Variants in GPC5 observed in about 807,000 individuals in gnomAD.
The protein encoded by GPC5 is glypican 5.
Under a neutral mutation model 53.9 loss-of-function variants are expected in GPC5, and 47 were observed. The ratio of observed to expected loss-of-function variants is 0.87; its 90% CI spans 0.69 to 1.11. GPC5 has a LOEUF of 1.11. Among genes scored for constraint, GPC5 ranks in the 50% most tolerant of loss-of-function variants. GPC5 has a pLI of 0.00. For synonymous variants in GPC5, 286 were observed against 263.3 expected, an observed-to-expected ratio of 1.09 and a Z score of -0.84; for missense variants, 748 against 713.1, an observed-to-expected ratio of 1.05 and a Z score of -0.56.
intron 7 of GPC5, among the ~76,000 whole-genome samples, chr13:92,363,296 TA>T (rs2043582926): frequency 6.6e-6 from 1 of 151,558 alleles, no homozygotes; most frequent in Admixed American, 6.6e-5. Context: ...GTCAGAAGGT[TA>T]TCATCTTAAG....
intron 5 of GPC5, among the ~76,000 whole-genome samples, chr13:91,803,486 T>G (rs556831843): frequency 6.6e-6 from 1 of 152,164 alleles, no homozygotes; most frequent in East Asian, 1.9e-4. Context: ...TGTGTATGTA[T>G]TGGTTTATGA....
intron 7 of GPC5, among the ~76,000 whole-genome samples, chr13:92,351,903 T>C (rs79434305): frequency 6.6e-6 from 1 of 152,324 alleles, no homozygotes; most frequent in East Asian, 1.9e-4. Context: ...TCTTTCTAAA[T>C]TGATCAGTGT....
rs376360098 is a variant in GPC5 at position 92,003,478 on chromosome 13, G to A, written c.1401+95421G>A. On this transcript the variant is annotated intron_variant, in intron 6 of 7. Transcript: ENST00000377067. ...TTTTTTTTTCAGTGAAAGGATGTTT[G>A]TTTTCTTCAATTGAAAATATTAGAG... 4.6e-4 allele frequency among the ~76,000 whole-genome samples: 69 copies of A among 151,558 alleles called. 1 individual carries two copies. The East Asian group carries it at 0.013, about 28-fold the overall frequency.
chr13:92,535,380 C>T (rs1482436502), intron 7 of GPC5, among the ~76,000 whole-genome samples: 1 of 152,102 alleles, frequency 6.6e-6, no homozygotes, highest in Non-Finnish European at 1.5e-5. Flanking sequence ...AGGGAAGAGG[C>T]TTTCATCAGG....
intron 7 of GPC5, among the ~76,000 whole-genome samples, chr13:92,396,883 T>C (rs972420794): frequency 2.6e-5 from 4 of 152,176 alleles, no homozygotes; most frequent in African/African-American, 9.7e-5. Context: ...GGGAGCAATG[T>C]CTTTCTCCAG....
intron 2 of GPC5, among the ~76,000 whole-genome samples, chr13:91,499,199 G>C (rs1884483547): frequency 6.6e-6 from 1 of 152,110 alleles, no homozygotes; most frequent in Non-Finnish European, 1.5e-5. Flanking sequence ...ACAGGATGCT[G>C]TTATTATCTC....
chr13:91,537,288 T>C (rs1886637106), intron 2 of GPC5, among the ~76,000 whole-genome samples: 1 of 152,206 alleles, frequency 6.6e-6, no homozygotes, highest in South Asian at 2.1e-4. Flanking sequence ...ATAAAACTTT[T>C]AGATAGACTG....
chr13:92,758,885 C>T (rs1341756756), intron 7 of GPC5, among the ~76,000 whole-genome samples: 2 of 151,204 alleles, frequency 1.3e-5, no homozygotes, highest in Non-Finnish European at 2.9e-5. Flanking sequence ...GTCTTTTATC[C>T]ATTTTGAGTT....
chr13:92,548,589 A>G (rs940042817), intron 7 of GPC5, among the ~76,000 whole-genome samples: 1 of 152,100 alleles, frequency 6.6e-6, no homozygotes, highest in East Asian at 1.9e-4. Flanking sequence ...TAGAAATAGT[A>G]TGAGTAAAAT....
chr13:91,767,611 G>A (rs1300868347), intron 5 of GPC5, among the ~76,000 whole-genome samples: 1 of 152,128 alleles, frequency 6.6e-6, no homozygotes, highest in South Asian at 2.1e-4. Context: ...AAAGGAAATA[G>A]GTATTTTAAA....
At chr13:91,818,417 A>G (rs2038433564) in intron 5 of GPC5, among the ~76,000 whole-genome samples, 1 of 152,242 alleles carries the variant, frequency 6.6e-6, no homozygotes. Flanking sequence ...TATAACTGAC[A>G]TTATTAAAAA....
chr13:92,053,727 G>A (rs2041049893), intron 6 of GPC5, among the ~76,000 whole-genome samples: 1 of 151,630 alleles, frequency 6.6e-6, no homozygotes, highest in East Asian at 1.9e-4. Flanking sequence ...ATTGCCTTAT[G>A]GAATTAAAAA....
chr13:91,653,465 A>G (rs1040063457), intron 2 of GPC5, among the ~76,000 whole-genome samples: 1 of 152,194 alleles, frequency 6.6e-6, no homozygotes, highest in Admixed American at 6.5e-5. Flanking sequence ...ATATGATAGC[A>G]AAACAGGGTG....
At chr13:91,948,227 CAAAAA>C (rs59185061) in intron 6 of GPC5, among the ~76,000 whole-genome samples, 43 of 132,568 alleles carry the variant, frequency 3.2e-4, no homozygotes, top group African/African-American at 1.0e-3. Flanking sequence ...GACTCTGTCT[CAAAAA>C]AAAAAAAAAA....
chr13:91,640,301 C>T (rs1400360237), intron 2 of GPC5, among the ~76,000 whole-genome samples: 1 of 151,954 alleles, frequency 6.6e-6, no homozygotes. Context: ...AGAAAAATTA[C>T]CCATTAAAAA....
chr13:91,859,178 C>T (rs188870944), intron 5 of GPC5, among the ~76,000 whole-genome samples: 1 of 151,424 alleles, frequency 6.6e-6, no homozygotes, highest in Admixed American at 6.6e-5. Context: ...TTCCTTTCTT[C>T]TATACTTATT....
chr13:92,741,395 A>G (rs1889089504), intron 7 of GPC5, among the ~76,000 whole-genome samples: 1 of 151,900 alleles, frequency 6.6e-6, no homozygotes, highest in South Asian at 2.1e-4. Flanking sequence ...GACTCTGCAG[A>G]GAGTCCCCAT....
At position 92,673,062 on chromosome 13, in the gene GPC5, A is replaced by T. The variant is rs147290656; in HGVS notation, c.1562-193220A>T. 5.3e-5 allele frequency among the ~76,000 whole-genome samples: 8 copies of T among 152,148 alleles called. No homozygotes were observed. The East Asian group carries it at 1.2e-3, about 22-fold the overall frequency. Reference sequence around the variant, plus strand: ...AAAAGTTTAAAAAGAAAGCAAAAAAACTCAACTTTAAAGTAGCTCAATAAG... The same window carrying T: ...AAAAGTTTAAAAAGAAAGCAAAAAATCTCAACTTTAAAGTAGCTCAATAAG... On this transcript the variant is annotated intron_variant, in intron 7 of 7. Coordinates refer to ENST00000377067, the MANE Select transcript of GPC5 (RefSeq NM_004466.6).
intron 1 of GPC5, among the ~76,000 whole-genome samples, chr13:91,407,313 A>G (rs1877397048): frequency 6.6e-6 from 1 of 152,200 alleles, no homozygotes; most frequent in African/African-American, 2.4e-5. Context: ...TTTATCTGCT[A>G]TCTAACATTT....
Sources: allele counts gnomAD v4.1 joint callset (sites outside exome capture counted in the v4.1 genomes callset), GRCh38; gene constraint gnomAD v4.1.1; transcripts MANE v1.5; gene names NCBI Gene and HGNC (gene_info 2026-07-23, HGNC 2026-07-21).